SLC25A53: variants seen among roughly 807,000 people sequenced by gnomAD.
SLC25A53 encodes the protein mitochondrial carrier triple repeat protein 6.
SLC25A53 carries 5 observed loss-of-function variants against 15.0 expected under a neutral mutation model. The ratio of observed to expected loss-of-function variants is 0.33; its 90% confidence interval spans 0.17 to 0.70. The LOEUF (loss-of-function observed/expected upper bound fraction) is 0.70, where lower values mean the gene tolerates loss of function less well. Among genes scored for constraint, SLC25A53 ranks in the 30% least tolerant of loss-of-function variants. The probability of loss-of-function intolerance (pLI) is 0.67; values close to 1 mark genes in which losing one functional copy is unlikely to be tolerated. For missense variants in SLC25A53, 216 were observed against 241.6 expected (o/e 0.89, Z 0.70); for synonymous variants, 95 against 100.0 (o/e 0.95, Z 0.30).
intron 1 of SLC25A53, among the ~76,000 whole-genome samples, chrX:104,135,925 A>G (rs1239290856): frequency 9.0e-6 from 1 of 111,647 alleles, no homozygotes; most frequent in African/African-American, 3.3e-5. Flanking sequence ...CCTGTGATAG[A>G]CACACCCACA....
intron 1 of SLC25A53, among the ~76,000 whole-genome samples, chrX:104,144,340 T>C (rs2075459623): frequency 8.9e-6 from 1 of 111,986 alleles, no homozygotes; most frequent in African/African-American, 3.2e-5. Context: ...CAGTGTACTG[T>C]ATTCACGAGA....
intron 1 of SLC25A53, among the ~76,000 whole-genome samples, chrX:104,109,379 G>A (rs188438457): frequency 3.6e-5 from 4 of 112,031 alleles, no homozygotes; most frequent in South Asian, 3.7e-4. Flanking sequence ...TCATCATCTC[G>A]CTGATCCTCA....
Position 104,099,985 on chromosome X carries a change from G to T in SLC25A53, c.*4349C>A, listed in dbSNP as rs1556351843. The T allele has an allele frequency of 8.9e-6, 1 of 111,780 alleles. No individual in the cohort carries two copies. Among genetic ancestry groups the T allele is most frequent in the Non-Finnish European group, 1.9e-5 (1 of 53,143 alleles). The allele number at this position is 111,780 out of a possible 1,213,427, so 9.2% of individuals were successfully genotyped here. ...GAAAGAACCAGAGACACTGGAGAGT[G>T]AACAGACTAGAGAAATACAATATTT... is the stretch of plus-strand genomic sequence containing the variant. On this transcript the variant is annotated 3_prime_UTR_variant, in exon 2 of 2. Transcript: ENST00000594199.
intron 1 of SLC25A53, among the ~76,000 whole-genome samples, chrX:104,150,063 T>C (rs1351136795): frequency 1.8e-5 from 2 of 108,364 alleles, no homozygotes; most frequent in Non-Finnish European, 3.8e-5. Context: ...CAAAACTCCA[T>C]CTTCATTAAA....
At chrX:104,149,626 C>T (rs1556369985) in intron 1 of SLC25A53, among the ~76,000 whole-genome samples, 1 of 112,018 alleles carries the variant, frequency 8.9e-6, no homozygotes, top group African/African-American at 3.2e-5. Context: ...CCAGAAGCTA[C>T]ACTGCCTCTC....
intron 1 of SLC25A53, among the ~76,000 whole-genome samples, chrX:104,147,715 G>C (rs1250112191): frequency 1.8e-5 from 2 of 111,637 alleles, no homozygotes; most frequent in Non-Finnish European, 3.8e-5. Context: ...CACCATCACT[G>C]GCCATCAGAG....
At chrX:104,115,244 C>T (rs1341663368) in intron 1 of SLC25A53, 1 of 1,200,224 alleles carries the variant, frequency 8.3e-7, no homozygotes, top group Non-Finnish European at 1.1e-6. Flanking sequence ...CTGATCATCA[C>T]CCTGCAGGAG....
At chrX:104,118,160 T>C (rs782545064) in intron 1 of SLC25A53, among the ~76,000 whole-genome samples, 1 of 112,753 alleles carries the variant, frequency 8.9e-6, no homozygotes, top group East Asian at 2.8e-4. Context: ...AAGAAGGCTT[T>C]TAAAAAATTT....
At chrX:104,144,782 T>A (rs1382585853) in intron 1 of SLC25A53, among the ~76,000 whole-genome samples, 1 of 111,576 alleles carries the variant, frequency 9.0e-6, no homozygotes, top group Non-Finnish European at 1.9e-5. Flanking sequence ...TAAATATACA[T>A]GCACCCAATA....
intron 1 of SLC25A53, among the ~76,000 whole-genome samples, chrX:104,128,446 G>A (rs781963142): frequency 5.4e-5 from 6 of 111,680 alleles, no homozygotes; most frequent in Admixed American, 9.5e-5. Flanking sequence ...AATGTTTTAC[G>A]TTTCTGAAAA....
chrX:104,123,664 C>T (rs940531382), intron 1 of SLC25A53, among the ~76,000 whole-genome samples: 2 of 110,087 alleles, frequency 1.8e-5, no homozygotes, highest in Non-Finnish European at 3.8e-5. Context: ...CTGCATCCAT[C>T]GACCTGTCAT....
intron 1 of SLC25A53, among the ~76,000 whole-genome samples, chrX:104,146,562 G>A (rs1461383772): frequency 6.3e-5 from 7 of 111,898 alleles, no homozygotes; most frequent in African/African-American, 1.6e-4. Flanking sequence ...AAACCCCATC[G>A]TCTCAGCCCC....
In SLC25A53 at chrX:104,139,042, T is replaced by C. The variant is rs1035218485; in HGVS notation, c.-32+17836A>G. ...AAATGCCTGTCCTCACCCAGGTCCA[T>C]GGGCATAGGCCCGGGGGTAGAGGCC... On this transcript the variant is annotated intron_variant, in intron 1 of 1. Transcript: ENST00000594199. Among the ~76,000 whole-genome samples the C allele has an allele frequency of 3.5e-5, 4 of 112,750 alleles. No individual in the cohort carries two copies. In the East Asian group the frequency reaches 8.4e-4, roughly 24 times the overall value.
intron 1 of SLC25A53, among the ~76,000 whole-genome samples, chrX:104,152,732 C>T (rs1442733842): frequency 8.9e-6 from 1 of 112,029 alleles, no homozygotes; most frequent in Non-Finnish European, 1.9e-5. Flanking sequence ...GCCACCGCGC[C>T]CAGCCTGAGA....
rs1374309556 is a variant in SLC25A53 at position 104,124,621 on chromosome X, G to T, written c.-31-19333C>A. 5.5e-5 allele frequency among the ~76,000 whole-genome samples: 6 copies of T among 109,463 alleles called. No homozygotes were observed. In the Admixed American group the frequency reaches 5.9e-4, roughly 11 times the overall value. On this transcript the variant is annotated intron_variant, in intron 1 of 1. Coordinates refer to ENST00000594199, the MANE Select transcript of SLC25A53 (RefSeq NM_001012755.5). Reference sequence around the variant, plus strand: ...ATGAAAAAATTAGCCAGGCGTAGTGGCACATGCCTGTAGTCCTAGCTGCTT... The same window carrying T: ...ATGAAAAAATTAGCCAGGCGTAGTGTCACATGCCTGTAGTCCTAGCTGCTT...
intron 1 of SLC25A53, among the ~76,000 whole-genome samples, chrX:104,121,880 T>TC (rs2075394105): frequency 0.21 from 141 of 661 alleles, 45 homozygotes; most frequent in Non-Finnish European, 0.31. Flanking sequence ...GTATGATATA[T>TC]ATATATATAT....
At chrX:104,106,466 G>A (rs1310344430) in intron 1 of SLC25A53, among the ~76,000 whole-genome samples, 1 of 111,090 alleles carries the variant, frequency 9.0e-6, no homozygotes, top group East Asian at 2.8e-4. Context: ...GAGAGGCGGA[G>A]GGGCATGATG....
chrX:104,104,130 G>A lies in SLC25A53; in HGVS notation c.*204C>T. On this transcript the variant is annotated 3_prime_UTR_variant, in exon 2 of 2. Coordinates refer to ENST00000594199, the MANE Select transcript of SLC25A53 (RefSeq NM_001012755.5). ...GGCTACTGAAACTGTGGAGAGACTG[G>A]GGTGAACGTTTCTTTTTGACTAAGG... 2.4e-6 allele frequency: 1 copy of A among 416,932 alleles called. No individual in the cohort carries two copies. Among genetic ancestry groups the A allele is most frequent in the East Asian group, 3.8e-5 (1 of 26,234 alleles). The allele number at this position is 416,932 out of a possible 1,213,427, so 34.4% of individuals were successfully genotyped here.
rs1286245295 is a variant in SLC25A53 at position 104,101,595 on chromosome X, T to C, written c.*2739A>G. The C allele has an allele frequency of 1.8e-5, 2 of 112,695 alleles. No individual in the cohort carries two copies. The highest frequency in any genetic ancestry group is 6.4e-5 in the African/African-American group (2 of 31,013). 9.3% of individuals were successfully genotyped at this position (112,695 alleles called of 1,213,427 possible). A position where few individuals can be genotyped will look rare whatever the true frequency, so the allele number is the denominator to read the frequency against. ...ATATATTTCACAATATCACATATAT[T>C]GTGTGAGTTTTCATTTTATTATATT... On this transcript the variant is annotated 3_prime_UTR_variant, in exon 2 of 2. Coordinates refer to ENST00000594199, the MANE Select transcript of SLC25A53 (RefSeq NM_001012755.5).
Sources: allele counts gnomAD v4.1 joint callset (sites outside exome capture counted in the v4.1 genomes callset), GRCh38; gene constraint gnomAD v4.1.1; transcripts MANE v1.5; gene names NCBI Gene and HGNC (gene_info 2026-07-23, HGNC 2026-07-21).